CSMD1: variants seen among roughly 807,000 people sequenced by gnomAD.
CSMD1 encodes the protein CUB and sushi domain-containing protein 1.
CSMD1 carries 213 observed loss-of-function variants against 417.5 expected under a neutral mutation model. The observed-to-expected ratio is 0.51, with a 90% CI of 0.46 to 0.57. CSMD1 has a LOEUF of 0.57. Among genes scored for constraint, CSMD1 ranks in the 20% least tolerant of loss-of-function variants. CSMD1 has a pLI of 0.00. For synonymous variants in CSMD1, 2,862 were observed against 1,736.8 expected (o/e 1.65, Z -16.11); for missense variants, 6,923 against 4,529.7 (o/e 1.53, Z -15.17).
intron 40 of CSMD1, among the ~76,000 whole-genome samples, chr8:3,147,144 T>C (rs113735099): frequency 2.0e-5 from 3 of 152,220 alleles, no homozygotes; most frequent in African/African-American, 7.2e-5. Flanking sequence ...CAGATATGTA[T>C]GTTCAGATAC....
chr8:3,262,230 T>TATATATACACAC (rs770901446), intron 26 of CSMD1, among the ~76,000 whole-genome samples: 11 of 95,686 alleles, frequency 1.1e-4, no homozygotes, highest in Non-Finnish European at 1.6e-4. Context: ...TATATATATA[T>TATATATACACAC]ACACACACAT....
At chr8:3,789,307 T>C (rs114906840) in intron 5 of CSMD1, among the ~76,000 whole-genome samples, 7,464 of 152,058 alleles carry the variant, frequency 0.049, 366 homozygotes, top group African/African-American at 0.13. Flanking sequence ...TTTATATTTA[T>C]TGTGACAGCC....
At chr8:4,184,579 T>C (rs751520068) in intron 3 of CSMD1, among the ~76,000 whole-genome samples, 3 of 151,994 alleles carry the variant, frequency 2.0e-5, no homozygotes, top group Non-Finnish European at 4.4e-5. Flanking sequence ...GATGGAGCTG[T>C]AGACCATTAT....
At chr8:4,780,838 A>G (rs192203994) in intron 1 of CSMD1, among the ~76,000 whole-genome samples, 1 of 152,294 alleles carries the variant, frequency 6.6e-6, no homozygotes, top group East Asian at 1.9e-4. Flanking sequence ...TCCGTTCCTC[A>G]GTTACTCCAC....
intron 3 of CSMD1, among the ~76,000 whole-genome samples, chr8:4,101,206 T>C (rs1224862432): frequency 1.3e-5 from 2 of 152,224 alleles, no homozygotes; most frequent in East Asian, 3.9e-4. Context: ...CATACACGTA[T>C]GAATTCTTGG....
At chr8:4,180,667 C>G (rs1047292813) in intron 3 of CSMD1, among the ~76,000 whole-genome samples, 48 of 152,252 alleles carry the variant, frequency 3.2e-4, no homozygotes, top group African/African-American at 1.1e-3. Context: ...CCTGCCAGCA[C>G]TGGCCATATG....
At chr8:4,668,927 T>C (rs939028142) in intron 1 of CSMD1, among the ~76,000 whole-genome samples, 7 of 152,212 alleles carry the variant, frequency 4.6e-5, no homozygotes, top group African/African-American at 1.7e-4. Flanking sequence ...TTATTCTCTT[T>C]TTCTAATTCA....
At chr8:3,307,568 A>T (rs1387889567) in intron 25 of CSMD1, 127 bp downstream of exon 25, 3 of 1,126,286 alleles carry the variant, frequency 2.7e-6, no homozygotes, top group Non-Finnish European at 3.7e-6. Context: ...TTTTAGCTAC[A>T]GCTTTACCTT....
chr8:4,751,161 G>A (rs879703875), intron 1 of CSMD1, among the ~76,000 whole-genome samples: 3 of 152,220 alleles, frequency 2.0e-5, no homozygotes, highest in Non-Finnish European at 4.4e-5. Flanking sequence ...GAGGTGGGTG[G>A]ATCACCTGAG....
chr8:3,148,689 T>G (rs36110622), intron 40 of CSMD1, among the ~76,000 whole-genome samples: 1,838 of 152,298 alleles, frequency 0.012, 16 homozygotes, highest in Non-Finnish European at 0.019. Context: ...TAAAATTTTC[T>G]CAGATTCTGC....
At chr8:4,002,607 G>A (rs891051971) in intron 4 of CSMD1, among the ~76,000 whole-genome samples, 1 of 152,078 alleles carries the variant, frequency 6.6e-6, no homozygotes, top group African/African-American at 2.4e-5. Flanking sequence ...TTCCAGTTTA[G>A]CTGCTAAAGA....
chr8:3,900,449 G>T (rs770458244), intron 5 of CSMD1, among the ~76,000 whole-genome samples: 2 of 151,590 alleles, frequency 1.3e-5, no homozygotes, highest in Non-Finnish European at 2.9e-5. Flanking sequence ...CAGCACAGCT[G>T]CATAACAGTG....
At chr8:3,542,648 G>A (rs1357837191) in intron 10 of CSMD1, among the ~76,000 whole-genome samples, 1 of 152,174 alleles carries the variant, frequency 6.6e-6, no homozygotes, top group Non-Finnish European at 1.5e-5. Flanking sequence ...GGTAACACAG[G>A]ACAGTTCAGA....
chr8:3,614,499 T>A (rs1435788036), intron 8 of CSMD1, among the ~76,000 whole-genome samples: 1 of 152,234 alleles, frequency 6.6e-6, no homozygotes, highest in African/African-American at 2.4e-5. Flanking sequence ...TGATTGCCCA[T>A]GTGCTAAGAA....
intron 3 of CSMD1, among the ~76,000 whole-genome samples, chr8:4,208,639 T>C (rs1800120619): frequency 6.6e-6 from 1 of 152,206 alleles, no homozygotes; most frequent in Non-Finnish European, 1.5e-5. Flanking sequence ...AAGGCCGTGA[T>C]ATGCAGTAGA....
chr8:4,430,927 G>C (rs1282069834), intron 2 of CSMD1, among the ~76,000 whole-genome samples: 2 of 152,110 alleles, frequency 1.3e-5, no homozygotes, highest in South Asian at 4.1e-4. Flanking sequence ...TATCTTAACA[G>C]TGTAAAATTC....
At position 3,511,359 on chromosome 8, in the gene CSMD1, T is replaced by C. The variant is rs929654414; in HGVS notation, c.1345-17633A>G. Among the ~76,000 whole-genome samples, 46 of 143,294 alleles carry C rather than the reference T, an allele frequency of 3.2e-4. 1 individual carries two copies. The highest frequency in any genetic ancestry group is 1.2e-3 in the African/African-American group (46 of 37,096). The allele number at this position is 143,294 out of a possible 152,430, so 94.0% of individuals were successfully genotyped here. On this transcript the variant is annotated intron_variant, in intron 10 of 69. Transcript: ENST00000635120. ...CAAACCTGCACGTTCTGCACATGTA[T>C]CCCAGAACTTAAAGTATTAAAAAAA...
At position 4,092,488 on chromosome 8, in the gene CSMD1, ATTGTC is replaced by A. The variant is rs541115343; in HGVS notation, c.416-60394_416-60390del. Reference sequence around the variant, plus strand: ...CTTTGGTAAAATGATAATTAAGCATATTGTCTTTAAGTTTCAGTAGGCATATTTAA... The same window carrying A: ...CTTTGGTAAAATGATAATTAAGCATATTTAAGTTTCAGTAGGCATATTTAA... On this transcript the variant is annotated intron_variant, in intron 3 of 69. Transcript: ENST00000635120. Among the ~76,000 whole-genome samples the A allele has an allele frequency of 2.6e-3, 401 of 152,258 alleles. 3 individuals carry two copies. Among genetic ancestry groups the A allele is most frequent in the African/African-American group, 9.3e-3 (385 of 41,546 alleles).
At chr8:3,691,085 G>T (rs779226800) in intron 7 of CSMD1, among the ~76,000 whole-genome samples, 7 of 152,016 alleles carry the variant, frequency 4.6e-5, no homozygotes, top group African/African-American at 1.7e-4. Flanking sequence ...TGTATCAATG[G>T]GCCGGGCTTG....
Sources: allele counts gnomAD v4.1 joint callset (sites outside exome capture counted in the v4.1 genomes callset), GRCh38; gene constraint gnomAD v4.1.1; transcripts MANE v1.5; gene names NCBI Gene and HGNC (gene_info 2026-07-23, HGNC 2026-07-21).